The following CCDC57 variants were observed in gnomAD, a reference collection of about 807,000 sequenced individuals.
The protein encoded by CCDC57 is coiled-coil domain containing 57.
Under a neutral mutation model 118.9 loss-of-function variants are expected in CCDC57, and 118 were observed. That is an observed-to-expected ratio of 0.99 (90% CI 0.86 to 1.16). The LOEUF (loss-of-function observed/expected upper bound fraction) is 1.16. Among genes scored for constraint, CCDC57 ranks in the 50% most tolerant of loss-of-function variants. The pLI is 0.00. For missense variants in CCDC57, 1,300 were observed against 1,320.7 expected, an observed-to-expected ratio of 0.98 and a Z score of 0.24; for synonymous variants, 527 against 532.9, an observed-to-expected ratio of 0.99 and a Z score of 0.15.
chr17:82,202,325 T>C (rs1296218958), intron 2 of CCDC57, among the ~76,000 whole-genome samples: 1 of 151,570 alleles, frequency 6.6e-6, no homozygotes, highest in Non-Finnish European at 1.5e-5. Flanking sequence ...AAAATTAGCC[T>C]GCTGTGGTGG....
At chr17:82,122,576 T>G (rs2036868983) in intron 19 of CCDC57, among the ~76,000 whole-genome samples, 1 of 148,222 alleles carries the variant, frequency 6.7e-6, no homozygotes. Flanking sequence ...CCTGCCCAGC[T>G]GCCTGCTATG....
At chr17:82,196,197 C>G (rs1012720508) in intron 4 of CCDC57, among the ~76,000 whole-genome samples, 1 of 152,200 alleles carries the variant, frequency 6.6e-6, no homozygotes, top group Non-Finnish European at 1.5e-5. Flanking sequence ...CAGCTGGATC[C>G]TCCTCAAACT....
At chr17:82,134,091 C>T in exon 17 of CCDC57, 1 of 1,416,432 alleles carries the variant, frequency 7.1e-7, no homozygotes, top group African/African-American at 1.5e-5. Flanking sequence ...TAAAATGGGG[C>T]TGCACCTGTC....
chr17:82,139,498 G>T (rs533370220), intron 16 of CCDC57, among the ~76,000 whole-genome samples: 41 of 152,288 alleles, frequency 2.7e-4, no homozygotes, highest in African/African-American at 9.4e-4. Flanking sequence ...TGGGATTACA[G>T]GTGCCCACCA....
chr17:82,152,890 A>ACGCT (rs1406961520), intron 15 of CCDC57, among the ~76,000 whole-genome samples: 1 of 152,114 alleles, frequency 6.6e-6, no homozygotes, highest in Admixed American at 6.6e-5. Context: ...TTCATGTGGG[A>ACGCT]CGCTCGGGGG....
chr17:82,175,264 C>G (rs2045320064), intron 11 of CCDC57, among the ~76,000 whole-genome samples: 1 of 152,270 alleles, frequency 6.6e-6, no homozygotes, highest in Admixed American at 6.5e-5. Flanking sequence ...GAGCGGGATA[C>G]CGAGTGCCCA....
intron 19 of CCDC57, among the ~76,000 whole-genome samples, chr17:82,103,608 C>T (rs1329061186): frequency 6.6e-6 from 1 of 152,262 alleles, no homozygotes. Context: ...AACCCAGAGG[C>T]CTTGGTTGTC....
intron 9 of CCDC57, among the ~76,000 whole-genome samples, chr17:82,182,384 C>T (rs1020046513): frequency 2.0e-5 from 3 of 150,582 alleles, no homozygotes; most frequent in African/African-American, 7.3e-5. Context: ...GACCCAGTCT[C>T]GCTCTGTTGC....
At chr17:82,196,248 C>T (rs1427431565) in intron 4 of CCDC57, among the ~76,000 whole-genome samples, 1 of 152,250 alleles carries the variant, frequency 6.6e-6, no homozygotes, top group Non-Finnish European at 1.5e-5. Context: ...GAGGAAGCCT[C>T]ACTACTTAGA....
chr17:82,159,661 T>C (rs8071737), intron 14 of CCDC57, among the ~76,000 whole-genome samples: 70,605 of 151,172 alleles, frequency 0.47, 17,344 homozygotes, highest in East Asian at 0.88. Context: ...ATACAATTTA[T>C]ATTTGTCATT....
intron 2 of CCDC57, among the ~76,000 whole-genome samples, chr17:82,205,481 C>T (rs537710978): frequency 6.6e-5 from 10 of 152,312 alleles, no homozygotes; most frequent in South Asian, 6.2e-4. Context: ...GAAGACAGAC[C>T]GAGGACACGG....
chr17:82,152,852 T>C (rs1272911408), intron 15 of CCDC57, among the ~76,000 whole-genome samples: 1 of 152,162 alleles, frequency 6.6e-6, no homozygotes, highest in Non-Finnish European at 1.5e-5. Flanking sequence ...AGCCACTGTA[T>C]GCAGTGCCTC....
intron 15 of CCDC57, among the ~76,000 whole-genome samples, chr17:82,152,842 A>G (rs371050242): frequency 1.8e-3 from 276 of 152,298 alleles, no homozygotes; most frequent in African/African-American, 6.4e-3. Context: ...CCTGGGGTGC[A>G]GCCACTGTAT....
At chr17:82,171,514 G>A (rs948666865) in intron 13 of CCDC57, among the ~76,000 whole-genome samples, 187 bp downstream of exon 12, 25 of 152,052 alleles carry the variant, frequency 1.6e-4, no homozygotes, top group Non-Finnish European at 3.7e-4. Context: ...AACAGGGAAC[G>A]CTGACTGCAG....
intron 16 of CCDC57, among the ~76,000 whole-genome samples, chr17:82,145,630 A>G (rs1209732963): frequency 6.6e-6 from 1 of 152,088 alleles, no homozygotes; most frequent in East Asian, 1.9e-4. Flanking sequence ...AGGAAATGCC[A>G]TGTGCAGCTG....
chr17:82,174,412 C>T (rs776205732), intron 11 of CCDC57, among the ~76,000 whole-genome samples: 1 of 152,242 alleles, frequency 6.6e-6, no homozygotes, highest in African/African-American at 2.4e-5. Context: ...CCCTGTTTGT[C>T]TCTTTAATCA....
intron 17 of CCDC57, 152 bp from the exon 17 acceptor site, chr17:82,128,749 A>G: frequency 1.6e-6 from 1 of 639,846 alleles, no homozygotes. Flanking sequence ...GACTGAAGGG[A>G]CCTGTTTCCC....
In CCDC57 at chr17:82,128,038, C is replaced by T. The variant is rs1167624531; in HGVS notation, c.2683-130G>A. ...TGGCTTAAAGGCCCAGGCAGATGCTCCCAGGATCACCCAGGAGAGGCAGCT... is the reference window on the plus strand; with the variant it reads ...TGGCTTAAAGGCCCAGGCAGATGCTTCCAGGATCACCCAGGAGAGGCAGCT... On this transcript the variant is annotated intron_variant, in intron 18 of 19. Coordinates refer to ENST00000665763, the Ensembl canonical transcript of CCDC57. The T allele has an allele frequency of 1.4e-5, 18 of 1,318,506 alleles. 1 individual carries two copies. The highest frequency in any genetic ancestry group is 1.1e-4 in the South Asian group (8 of 69,790). The allele number at this position is 1,318,506 out of a possible 1,614,324, so 81.7% of individuals were successfully genotyped here. A position where few individuals can be genotyped will look rare whatever the true frequency, so the allele number is the denominator to read the frequency against.
rs1022493641 is a variant in CCDC57, at chr17:82,126,293, A to C, written c.2899+1399T>G. On this transcript the variant is annotated intron_variant, in intron 19 of 19. Coordinates refer to ENST00000665763, the Ensembl canonical transcript of CCDC57. ...AAAACTCCATCTCAAAGGAAAAAAA[A>C]AAAAAACAGACAAGATAAAAAACAA... 1,294 of 744,594 alleles carry C rather than the reference A, an allele frequency of 1.7e-3. 9 individuals are homozygous for C. The highest frequency in any genetic ancestry group is 2.0e-3 in the Non-Finnish European group (1,227 of 609,024). 46.1% of individuals were successfully genotyped at this position (744,594 alleles called of 1,614,324 possible).
Sources: gnomAD v4.1 joint callset for allele counts (sites outside exome capture counted in the v4.1 genomes callset) on GRCh38, gnomAD v4.1.1 for gene constraint, MANE v1.5 for transcripts, NCBI Gene and HGNC (gene_info 2026-07-23, HGNC 2026-07-21) for gene names.